BNC2: variants seen among roughly 807,000 people sequenced by gnomAD.
BNC2 encodes the protein basonuclin zinc finger protein 2, also known as zinc finger protein basonuclin-2.
Under a neutral mutation model 76.3 loss-of-function variants are expected in BNC2, and 20 were observed. The ratio of observed to expected loss-of-function variants is 0.26; its 90% CI spans 0.18 to 0.38. The LOEUF (loss-of-function observed/expected upper bound fraction) is 0.38, where lower values mean the gene tolerates loss of function less well. Among genes scored for constraint, BNC2 ranks in the 10% least tolerant of loss-of-function variants. The pLI is 1.00. For missense variants in BNC2, 1,382 were observed against 1,399.8 expected (o/e 0.99, Z 0.20); for synonymous variants, 582 against 514.8 (o/e 1.13, Z -1.77).
rs1374404814 is a variant in BNC2, at chr9:16,414,853, G to T, written c.*4136C>A. 1 of 151,918 alleles carries T rather than the reference G, an allele frequency of 6.6e-6. No homozygotes were observed. The highest frequency in any genetic ancestry group is 1.5e-5 in the Non-Finnish European group (1 of 68,020). The allele number at this position is 151,918 out of a possible 1,614,324, so 9.4% of individuals were successfully genotyped here. A position where few individuals can be genotyped will look rare whatever the true frequency, so the allele number is the denominator to read the frequency against. On this transcript the variant is annotated 3_prime_UTR_variant, in exon 7 of 7. Coordinates refer to ENST00000380672, the MANE Select transcript of BNC2 (RefSeq NM_017637.6). ...AAAAAGGTCACATTGTATTTGGTGG[G>T]AACCTAGTGCATAGTTTCTCCTGAG...
chr9:16,503,992 T>C (rs1403051755), intron 5 of BNC2, among the ~76,000 whole-genome samples: 2 of 152,182 alleles, frequency 1.3e-5, no homozygotes, highest in East Asian at 1.9e-4. Flanking sequence ...CTTATTCTAG[T>C]CAAGAAATGA....
chr9:16,758,215 G>C (rs1406560769), intron 1 of BNC2, among the ~76,000 whole-genome samples: 3 of 152,056 alleles, frequency 2.0e-5, no homozygotes, highest in African/African-American at 7.2e-5. Flanking sequence ...ATCTCTCTCT[G>C]ACCACAGCTG....
intron 1 of BNC2, among the ~76,000 whole-genome samples, chr9:16,809,605 G>A (rs1337011568): frequency 3.3e-5 from 5 of 152,024 alleles, no homozygotes; most frequent in Non-Finnish European, 4.4e-5. Context: ...AACCAAGACC[G>A]AATGCGTTGT....
chr9:16,433,423 T>C (rs1184914927), intron 6 of BNC2, among the ~76,000 whole-genome samples: 1 of 152,202 alleles, frequency 6.6e-6, no homozygotes, highest in Non-Finnish European at 1.5e-5. Context: ...ATCTTCTATG[T>C]GACTGAACAC....
At chr9:16,440,626 T>G (rs1036051558) in intron 5 of BNC2, among the ~76,000 whole-genome samples, 1 of 152,214 alleles carries the variant, frequency 6.6e-6, no homozygotes, top group Non-Finnish European at 1.5e-5. Flanking sequence ...CAGTCCCACC[T>G]GAGGCATCTC....
At chr9:16,687,776 T>C (rs1823021257) in intron 3 of BNC2, among the ~76,000 whole-genome samples, 1 of 152,198 alleles carries the variant, frequency 6.6e-6, no homozygotes, top group South Asian at 2.1e-4. Context: ...GTTCTTTTTA[T>C]CTTCACAGTC....
chr9:16,559,046 A>G (rs993589799), intron 4 of BNC2, among the ~76,000 whole-genome samples: 2 of 152,210 alleles, frequency 1.3e-5, no homozygotes. Context: ...AATGAAGAGT[A>G]TTCTAAACAA....
At chr9:16,860,949 G>A (rs1021586563) in intron 1 of BNC2, among the ~76,000 whole-genome samples, 2 of 151,768 alleles carry the variant, frequency 1.3e-5, no homozygotes, top group African/African-American at 4.8e-5. Context: ...GGGACGCTGA[G>A]GCAGGACAAT....
At chr9:16,788,363 C>T (rs576091738) in intron 1 of BNC2, among the ~76,000 whole-genome samples, 1 of 151,688 alleles carries the variant, frequency 6.6e-6, no homozygotes, top group Non-Finnish European at 1.5e-5. Context: ...ACCATCCTGG[C>T]TAACATGGTG....
At chr9:16,833,290 C>T (rs1818625990) in intron 1 of BNC2, among the ~76,000 whole-genome samples, 1 of 152,156 alleles carries the variant, frequency 6.6e-6, no homozygotes, top group African/African-American at 2.4e-5. Context: ...AATCCAAAAA[C>T]ACTCTTCTTG....
chr9:16,753,790 T>C (rs1825291963), intron 1 of BNC2, among the ~76,000 whole-genome samples: 1 of 152,220 alleles, frequency 6.6e-6, no homozygotes, highest in Admixed American at 6.5e-5. Context: ...TAGAACACCA[T>C]CCTACTTCAA....
intron 3 of BNC2, among the ~76,000 whole-genome samples, chr9:16,665,568 TTTTACCA>T (rs1417316196): frequency 6.6e-6 from 1 of 152,174 alleles, no homozygotes; most frequent in Non-Finnish European, 1.5e-5. Flanking sequence ...TACCATCTTA[TTTTACCA>T]TTTGACACTA....
chr9:16,460,370 C>G (rs1821548485), intron 5 of BNC2, among the ~76,000 whole-genome samples: 1 of 151,514 alleles, frequency 6.6e-6, no homozygotes, highest in African/African-American at 2.4e-5. Context: ...TGCCTGTAAT[C>G]CTAACACTTT....
At chr9:16,793,176 C>T (rs1252523046) in intron 1 of BNC2, among the ~76,000 whole-genome samples, 7 of 152,176 alleles carry the variant, frequency 4.6e-5, no homozygotes, top group Admixed American at 3.9e-4. Context: ...ACTGTGAAAA[C>T]TGAATAACTG....
At position 16,412,720 on chromosome 9, in the gene BNC2, G is replaced by GGAGAGAGAGAGAGAGAGAGAGAGAGA. The variant is rs58174243; in HGVS notation, c.*6243_*6268dup. On this transcript the variant is annotated 3_prime_UTR_variant, in exon 7 of 7. Coordinates refer to ENST00000380672, the MANE Select transcript of BNC2 (RefSeq NM_017637.6). ...AATAAGAGGGAAGGAGAGAGAGAGG[G>GGAGAGAGAGAGAGAGAGAGAGAGAGA]GAGAGAGAGAGAGAGAGAGAGAGAG... The GGAGAGAGAGAGAGAGAGAGAGAGAGA allele has an allele frequency of 1.7e-5, 2 of 119,866 alleles. No homozygotes were observed. The highest frequency in any genetic ancestry group is 2.9e-5 in the African/African-American group (1 of 35,034). The allele number at this position is 119,866 out of a possible 1,614,324, so 7.4% of individuals were successfully genotyped here. A position where few individuals can be genotyped will look rare whatever the true frequency, so the allele number is the denominator to read the frequency against.
intron 5 of BNC2, among the ~76,000 whole-genome samples, chr9:16,471,397 G>A (rs886418409): frequency 2.6e-5 from 4 of 151,474 alleles, no homozygotes; most frequent in South Asian, 4.2e-4. Context: ...GGATTCAAGC[G>A]ATTCTCCTGA....
At chr9:16,548,983 A>T (rs1327059009) in intron 5 of BNC2, among the ~76,000 whole-genome samples, 2 of 152,230 alleles carry the variant, frequency 1.3e-5, no homozygotes, top group Non-Finnish European at 2.9e-5. Flanking sequence ...GTGAAAATTA[A>T]CTTTATAAAA....
intron 1 of BNC2, among the ~76,000 whole-genome samples, chr9:16,818,544 A>C (rs1818239408): frequency 6.6e-6 from 1 of 152,204 alleles, no homozygotes; most frequent in South Asian, 2.1e-4. Context: ...ACAGGCAAGG[A>C]GCTCATGATT....
chr9:16,838,061 T>C (rs546547017), intron 1 of BNC2, among the ~76,000 whole-genome samples: 1 of 152,224 alleles, frequency 6.6e-6, no homozygotes, highest in Non-Finnish European at 1.5e-5. Context: ...AGATCACTAC[T>C]GCCCTTTGGA....
Sources: allele counts gnomAD v4.1 joint callset (sites outside exome capture counted in the v4.1 genomes callset), GRCh38; gene constraint gnomAD v4.1.1; transcripts MANE v1.5; gene names NCBI Gene and HGNC (gene_info 2026-07-23, HGNC 2026-07-21).